EPHB4: variants seen among roughly 807,000 people sequenced by gnomAD.
EPHB4 encodes the protein EPH receptor B4.
A neutral mutation model predicts 110.6 loss-of-function variants in EPHB4; 50 were observed. The ratio of observed to expected loss-of-function variants is 0.45; its 90% CI spans 0.36 to 0.57. EPHB4 has a LOEUF of 0.57. Ranked by LOEUF, EPHB4 falls within the 20% of genes least tolerant of loss-of-function variation. EPHB4 has a pLI of 0.00. For synonymous variants in EPHB4, 592 were observed against 578.4 expected (o/e 1.02, Z -0.34); for missense variants, 1,128 against 1,382.1 (o/e 0.82, Z 2.91).
chr7:100,826,393 T>C (rs1351763813), intron 1 of EPHB4, among the ~76,000 whole-genome samples: 3 of 152,030 alleles, frequency 2.0e-5, no homozygotes, highest in Non-Finnish European at 4.4e-5. Context: ...GTGCAGCCTG[T>C]AGAAACCAAG....
At chr7:100,819,066 C>T (rs1813153457) in intron 6 of EPHB4, among the ~76,000 whole-genome samples, 1 of 152,070 alleles carries the variant, frequency 6.6e-6, no homozygotes, top group Non-Finnish European at 1.5e-5. Context: ...CCTTCCTGTA[C>T]TTAACTCTCC....
rs1434846816 is a variant in EPHB4 at position 100,803,201 on chromosome 7, TC to T, written c.*259del. 9.5e-6 allele frequency: 3 copies of T among 316,196 alleles called. No homozygotes were observed. The Admixed American group carries it at 1.5e-4, about 16-fold the overall frequency. 19.6% of individuals were successfully genotyped at this position (316,196 alleles called of 1,614,324 possible). A position where few individuals can be genotyped will look rare whatever the true frequency, so the allele number is the denominator to read the frequency against. ...GGGAGGCTGGGAGATGTTGGGCACT[TC>T]CTTTTCCTCTGGTCACACCCAGTCC... On this transcript the variant is annotated 3_prime_UTR_variant, in exon 17 of 17. Transcript: ENST00000358173.
rs149690566 is a variant in EPHB4, at chr7:100,814,012, C to A, written c.1598G>T (p.Gly533Val). 10 of 1,613,946 alleles carry A rather than the reference C, an allele frequency of 6.2e-6. No individual in the cohort carries two copies. Among genetic ancestry groups the A allele is most frequent in the African/African-American group, 1.3e-5 (1 of 74,936 alleles). Residue 533 changes from glycine (G) to valine (V), a missense_variant, in exon 9 of 17, where the codon GGC becomes GTC. Around this residue, in one of 3 missense-constraint regions of EPHB4, gnomAD observed 728 missense variants for 828.6 expected, o/e 0.88. Coordinates refer to ENST00000358173, the MANE Select transcript of EPHB4 (RefSeq NM_004444.5). ...HSQTQLDESE[G>V]WREQLALIAG... ...AATCAGGGCCAGCTGCTCCCGCCAG[C>A]CCTCGCTCTCTGCGGAAGGAAAGGC... is the stretch of plus-strand genomic sequence containing the variant.
intron 1 of EPHB4, among the ~76,000 whole-genome samples, chr7:100,826,005 G>A (rs540454797): frequency 5.9e-5 from 9 of 152,342 alleles, no homozygotes; most frequent in African/African-American, 2.2e-4. Flanking sequence ...CAGCCAGGGG[G>A]AGAGGGTTTT....
chr7:100,825,502 C>T (rs1293000789), intron 1 of EPHB4: 1 of 152,348 alleles, frequency 6.6e-6, no homozygotes, highest in East Asian at 1.9e-4. Context: ...CAGCTGCAGC[C>T]ACGCTTTGAT....
In EPHB4 at chr7:100,817,290, A is replaced by T; in HGVS notation, c.1490T>A (p.Leu497Gln). ...TSENRAELRG[L>Q]KRGASYLVQV... ...CACCAGGTAGCTGGCTCCCCGCTTC[A>T]GCCCCCGCAGCTCTGCCCGGTTTTC... is the stretch of plus-strand genomic sequence containing the variant. Residue 497 changes from leucine (L) to glutamine (Q), a missense_variant, in exon 8 of 17, where the codon CTG becomes CAG. By Grantham distance (113) the Leu-to-Gln change is moderately radical. Transcript: ENST00000358173. 1 of 1,596,692 alleles carries T rather than the reference A, an allele frequency of 6.3e-7. No individual in the cohort carries two copies. Among genetic ancestry groups the T allele is most frequent in the South Asian group, 1.1e-5 (1 of 88,122 alleles).
intron 1 of EPHB4, chr7:100,825,020 G>C (rs314312): frequency 0.23 from 35,486 of 151,406 alleles, 4,803 homozygotes; most frequent in Middle Eastern, 0.37. Context: ...CTGGAGGAAG[G>C]GGGGGGATTA....
At chr7:100,813,624 C>T (rs779966632) in intron 10 of EPHB4, 28 bp downstream of exon 10, 1 of 1,612,968 alleles carries the variant, frequency 6.2e-7, no homozygotes, top group South Asian at 1.1e-5. Context: ...CCCCAAGCCC[C>T]TATTCCCATC....
At position 100,817,082 on chromosome 7, in the gene EPHB4, C is replaced by T. The variant is rs1190755083; in HGVS notation, c.1588+110G>A. On this transcript the variant is annotated intron_variant, in intron 8 of 16. Transcript: ENST00000358173. ...TGAGGGACAGAGCAAGACTCCATCT[C>T]AAAAAAAAAAAAAAAAAAAAAAGAT... 7.7e-6 allele frequency: 6 copies of T among 783,468 alleles called. No homozygotes were observed. In the African/African-American group the frequency reaches 9.2e-5, roughly 12 times the overall value. 48.5% of individuals were successfully genotyped at this position (783,468 alleles called of 1,614,324 possible).
Position 100,807,392 on chromosome 7 carries a change from A to G in EPHB4, c.2307T>C (p.Ser769=), listed in dbSNP as rs762159059. The G allele has an allele frequency of 6.2e-7, 1 of 1,613,844 alleles. No individual in the cohort carries two copies. The highest frequency in any genetic ancestry group is 8.5e-7 in the Non-Finnish European group (1 of 1,179,950). Residue 769 remains serine, a synonymous_variant, in exon 13 of 17, where the codon TCT becomes TCC. Transcript: ENST00000358173. The stretch of plus-strand genomic sequence containing the variant: ...GGGAGCTCGTGTAGGTGGGATCGGA[A>G]GAGTTCTCCTCCAGGAATCGGGAAA... ...FGLSRFLEEN[S]SDPTYTSSLG...
In EPHB4 at chr7:100,806,456, A is replaced by C. The variant is rs1024547571; in HGVS notation, c.2448T>G (p.Phe816Leu). ...TCATGTCCCAGTACGGCCTCTCCCC[A>C]AATGACATCACCTCCCACATCACAA... The part of the protein sequence containing the change: ...YGIVMWEVMS[F>L]GERPYWDMSN... Residue 816 changes from phenylalanine to leucine, a missense_variant, in exon 14 of 17, where the codon TTT (phenylalanine) becomes TTG (leucine). Phe to Leu is a conservative substitution (Grantham distance 22). Coordinates refer to ENST00000358173, the MANE Select transcript of EPHB4 (RefSeq NM_004444.5). 2.5e-6 allele frequency: 4 copies of C among 1,614,078 alleles called. No individual in the cohort carries two copies. Among genetic ancestry groups the C allele is most frequent in the Non-Finnish European group, 2.5e-6 (3 of 1,179,988 alleles).
Position 100,823,970 on chromosome 7 carries a change from C to T in EPHB4, c.124-39G>A, listed in dbSNP as rs371944393. ...GAGGTCAGCAAGGGGGCTGGGGAGCCGCCAGGGAGAGGGCTGCATGGGGTG... is the reference window on the plus strand; with the variant it reads ...GAGGTCAGCAAGGGGGCTGGGGAGCTGCCAGGGAGAGGGCTGCATGGGGTG... On this transcript the variant is annotated intron_variant, in intron 2 of 16. Coordinates refer to ENST00000358173, the MANE Select transcript of EPHB4 (RefSeq NM_004444.5). 5.3e-5 allele frequency: 82 copies of T among 1,540,284 alleles called. No individual in the cohort carries two copies. In the African/African-American group the frequency reaches 9.4e-4, roughly 18 times the overall value.
chr7:100,804,004 A>C (rs1200694943), intron 16 of EPHB4, among the ~76,000 whole-genome samples: 1 of 152,028 alleles, frequency 6.6e-6, no homozygotes, highest in Non-Finnish European at 1.5e-5. Context: ...GATAAGGGGA[A>C]AAAAGGGAGA....
intron 12 of EPHB4, among the ~76,000 whole-genome samples, chr7:100,810,211 C>A (rs1210560963): frequency 1.3e-5 from 2 of 152,140 alleles, no homozygotes; most frequent in African/African-American, 4.8e-5. Flanking sequence ...GATTGTGCCA[C>A]TGCACTCCAG....
rs2116458650 is a variant in EPHB4 at position 100,822,641 on chromosome 7, G to A, written c.438C>T (p.Leu146=). ...IKVDTVAAEH[L]TRKRPGAEAT... Reference sequence around the variant, plus strand: ...CCTCGGCCCCAGGGCGCTTCCGGGTGAGATGCTCCGCGGCCACCGTGTCCA... The same window carrying A: ...CCTCGGCCCCAGGGCGCTTCCGGGTAAGATGCTCCGCGGCCACCGTGTCCA... Residue 146 remains leucine (L), a synonymous_variant, in exon 4 of 17, where the codon CTC becomes CTT. Coordinates refer to ENST00000358173, the MANE Select transcript of EPHB4 (RefSeq NM_004444.5). The surrounding 1 kb of genome is among the most constrained non-coding windows in gnomAD (Gnocchi z 4.7). The A allele has an allele frequency of 6.3e-7, 1 of 1,589,236 alleles. No homozygotes were observed. Among genetic ancestry groups the A allele is most frequent in the Non-Finnish European group, 8.6e-7 (1 of 1,164,870 alleles).
chr7:100,809,380 C>A (rs2116423281), intron 12 of EPHB4, among the ~76,000 whole-genome samples: 1 of 151,766 alleles, frequency 6.6e-6, no homozygotes, highest in Non-Finnish European at 1.5e-5. Flanking sequence ...GTGCTGGGAT[C>A]ACAAGTGTGA....
intron 14 of EPHB4, 78 bp from the exon 15 acceptor site, chr7:100,805,772 T>G: frequency 7.5e-7 from 1 of 1,339,686 alleles, no homozygotes; most frequent in Non-Finnish European, 9.7e-7. Context: ...AAATGGTGAC[T>G]TGGAAGATGG....
chr7:100,804,848 T>C (rs955496569), intron 16 of EPHB4, among the ~76,000 whole-genome samples: 1 of 152,160 alleles, frequency 6.6e-6, no homozygotes, highest in African/African-American at 2.4e-5. Context: ...AGTTGACACA[T>C]TGTTACCGTG....
Position 100,822,228 on chromosome 7 carries a change from C to T in EPHB4, c.808+43G>A. The T allele has an allele frequency of 1.3e-6, 2 of 1,532,102 alleles. No individual in the cohort carries two copies. The highest frequency in any genetic ancestry group is 1.7e-4 in the Middle Eastern group (1 of 5,750). 94.9% of individuals were successfully genotyped at this position (1,532,102 alleles called of 1,614,324 possible). A position where few individuals can be genotyped will look rare whatever the true frequency, so the allele number is the denominator to read the frequency against. On this transcript the variant is annotated intron_variant, in intron 4 of 16. Coordinates refer to ENST00000358173, the MANE Select transcript of EPHB4 (RefSeq NM_004444.5). This position sits in a 1 kb window ranked among gnomAD's most constrained non-coding sequence, Gnocchi z 4.7. ...GGTCCTGAGTGGAGTTCAGGACTCT[C>T]CCCCGGATGAGCAGCAGTCGCAGGG...
Sources: allele counts gnomAD v4.1 joint callset (sites outside exome capture counted in the v4.1 genomes callset), GRCh38; gene constraint gnomAD v4.1.1; regional missense constraint gnomAD v4.1.1; non-coding constraint Gnocchi (gnomAD v3.1); transcripts MANE v1.5; gene names NCBI Gene and HGNC (gene_info 2026-07-23, HGNC 2026-07-21).